Variants in CPSF3 observed in about 807,000 individuals in gnomAD.
The protein encoded by CPSF3 is cleavage and polyadenylation specific factor 3, also known as cleavage and polyadenylation specificity factor subunit 3.
CPSF3 carries 57 observed loss-of-function variants against 84.1 expected under a neutral mutation model. That is an observed-to-expected ratio of 0.68 (90% CI 0.55 to 0.85). The LOEUF (loss-of-function observed/expected upper bound fraction) is 0.85. CPSF3 is among the 40% of genes least tolerant of loss of function. The probability of loss-of-function intolerance (pLI) is 0.00; values close to 1 mark genes in which losing one functional copy is unlikely to be tolerated. For missense variants in CPSF3, 522 were observed against 838.8 expected (o/e 0.62, Z 4.66); for synonymous variants, 275 against 278.1 (o/e 0.99, Z 0.11).
chr2:9,472,064 A>T (rs1682188996), intron 17 of CPSF3, among the ~76,000 whole-genome samples: 1 of 149,652 alleles, frequency 6.7e-6, no homozygotes, highest in African/African-American at 2.5e-5. Flanking sequence ...CTGTAATCCC[A>T]ACACTTTGGG....
In CPSF3 at chr2:9,423,730, C is replaced by T. The variant is rs147828498; in HGVS notation, c.-44C>T. Reference sequence around the variant, plus strand: ...CTGTGCTTCCAATTTAGGAAGACCCCGGCGACCTGTTCCTCACCCCCGCTT... The same window carrying T: ...CTGTGCTTCCAATTTAGGAAGACCCTGGCGACCTGTTCCTCACCCCCGCTT... On this transcript the variant is annotated 5_prime_UTR_variant, in exon 1 of 18. Transcript: ENST00000238112. The T allele has an allele frequency of 1.9e-6, 3 of 1,605,390 alleles. No homozygotes were observed. The highest frequency in any genetic ancestry group is 1.7e-4 in the Middle Eastern group (1 of 6,040).
intron 15 of CPSF3, among the ~76,000 whole-genome samples, chr2:9,464,858 C>T (rs1334297155): frequency 1.3e-5 from 2 of 151,906 alleles, no homozygotes; most frequent in Non-Finnish European, 2.9e-5. Context: ...TCCCAGAGTG[C>T]TAGGATTCCA....
chr2:9,444,172 T>G (rs1681051481), intron 10 of CPSF3, among the ~76,000 whole-genome samples: 1 of 141,708 alleles, frequency 7.1e-6, no homozygotes, highest in Non-Finnish European at 1.6e-5. Flanking sequence ...TTTTTTTTTT[T>G]GAGGCGGAGT....
intron 6 of CPSF3, among the ~76,000 whole-genome samples, chr2:9,434,979 C>T (rs904119963): frequency 7.9e-5 from 12 of 152,244 alleles, no homozygotes; most frequent in African/African-American, 2.9e-4. Flanking sequence ...GGACTCTGCT[C>T]ATGGTATGCC....
intron 1 of CPSF3, among the ~76,000 whole-genome samples, chr2:9,425,112 A>G (rs1680331305): frequency 6.6e-6 from 1 of 152,262 alleles, no homozygotes; most frequent in African/African-American, 2.4e-5. Flanking sequence ...TGAGTCCTAA[A>G]GAATGAGTAG....
At chr2:9,441,103 T>C (rs896482611) in intron 8 of CPSF3, among the ~76,000 whole-genome samples, 7 of 152,268 alleles carry the variant, frequency 4.6e-5, no homozygotes, top group African/African-American at 9.6e-5. Context: ...TTTTGTATTA[T>C]GTATTTAAGT....
At chr2:9,449,405 G>A (rs1681240157) in intron 11 of CPSF3, among the ~76,000 whole-genome samples, 1 of 151,944 alleles carries the variant, frequency 6.6e-6, no homozygotes, top group Non-Finnish European at 1.5e-5. Flanking sequence ...CAGCCTGAGT[G>A]ACAGAGTGAG....
rs1375455519 is a variant in CPSF3, at chr2:9,466,332, A to G, written c.1787-1375A>G. Among the ~76,000 whole-genome samples, 6 of 120,648 alleles carry G rather than the reference A, an allele frequency of 5.0e-5. No homozygotes were observed. In the East Asian group the frequency reaches 6.0e-4, roughly 12 times the overall value. 79.1% of individuals were successfully genotyped at this position (120,648 alleles called of 152,430 possible). A position where few individuals can be genotyped will look rare whatever the true frequency, so the allele number is the denominator to read the frequency against. On this transcript the variant is annotated intron_variant, in intron 15 of 17. Transcript: ENST00000238112. ...CACACTGACGCACGCACACAGACGC[A>G]CGCACACACGCGCGCGCGCGCACAC...
At chr2:9,436,679 G>A (rs976902281) in intron 7 of CPSF3, among the ~76,000 whole-genome samples, 5 of 151,984 alleles carry the variant, frequency 3.3e-5, no homozygotes, top group Admixed American at 3.3e-4. Flanking sequence ...GGCTGAGGCA[G>A]AGAATTGCTT....
intron 7 of CPSF3, among the ~76,000 whole-genome samples, chr2:9,438,092 TG>T (rs1680848299): frequency 6.6e-6 from 1 of 152,260 alleles, no homozygotes; most frequent in African/African-American, 2.4e-5. Context: ...TCATCCTCTC[TG>T]TTCTGCCATC....
intron 10 of CPSF3, among the ~76,000 whole-genome samples, chr2:9,447,852 A>G (rs1681177925): frequency 6.6e-6 from 1 of 152,224 alleles, no homozygotes; most frequent in Non-Finnish European, 1.5e-5. Context: ...CAAGAGTCAT[A>G]GGCATTTAAA....
chr2:9,466,306 G>A (rs1470795368), intron 15 of CPSF3, among the ~76,000 whole-genome samples: 1 of 98,222 alleles, frequency 1.0e-5, no homozygotes, highest in African/African-American at 3.4e-5. Context: ...GCATGCACAC[G>A]CACACTGACG....
intron 15 of CPSF3, among the ~76,000 whole-genome samples, chr2:9,466,374 A>G (rs893527563): frequency 5.2e-5 from 7 of 133,832 alleles, no homozygotes; most frequent in East Asian, 2.0e-4. Flanking sequence ...GCACACACCC[A>G]CGCACTCGCA....
chr2:9,448,833 G>A (rs569242255), intron 11 of CPSF3, among the ~76,000 whole-genome samples: 25 of 152,208 alleles, frequency 1.6e-4, no homozygotes, highest in African/African-American at 6.0e-4. Context: ...GGGATTACAG[G>A]CGTGAGCCAC....
chr2:9,424,343 G>A, intron 1 of CPSF3: 1 of 785,710 alleles, frequency 1.3e-6, no homozygotes, highest in Non-Finnish European at 1.5e-6. Context: ...GGCCCTAGTA[G>A]AATAAGGAAG....
chr2:9,431,899 A>G (rs181588811), intron 4 of CPSF3, among the ~76,000 whole-genome samples: 25 of 152,288 alleles, frequency 1.6e-4, no homozygotes, highest in Non-Finnish European at 2.9e-4. Flanking sequence ...TGTAGGTTCT[A>G]TTATAAATTC....
chr2:9,472,040 G>A (rs567769904), intron 17 of CPSF3, among the ~76,000 whole-genome samples: 63 of 148,562 alleles, frequency 4.2e-4, no homozygotes, highest in African/African-American at 1.5e-3. Flanking sequence ...GAGGCCAGGC[G>A]TGGTGGTTCA....
intron 11 of CPSF3, among the ~76,000 whole-genome samples, chr2:9,450,305 C>T (rs1193712397): frequency 6.6e-6 from 1 of 152,000 alleles, no homozygotes; most frequent in Non-Finnish European, 1.5e-5. Flanking sequence ...GTGCCCACCA[C>T]CACGCCCGGC....
intron 6 of CPSF3, among the ~76,000 whole-genome samples, chr2:9,435,234 T>A (rs1205452754): frequency 6.6e-6 from 1 of 152,188 alleles, no homozygotes; most frequent in Non-Finnish European, 1.5e-5. Flanking sequence ...AGTAAGACTT[T>A]AAGGATATTC....
Sources: allele counts gnomAD v4.1 joint callset (sites outside exome capture counted in the v4.1 genomes callset), GRCh38; gene constraint gnomAD v4.1.1; transcripts MANE v1.5; gene names NCBI Gene and HGNC (gene_info 2026-07-23, HGNC 2026-07-21).